The following OSBP variants were observed in gnomAD, a reference collection of about 807,000 sequenced individuals.
OSBP encodes oxysterol-binding protein 1.
A neutral mutation model predicts 96.6 loss-of-function variants in OSBP; 32 were observed. The ratio of observed to expected loss-of-function variants is 0.33; its 90% CI spans 0.25 to 0.45. The LOEUF (loss-of-function observed/expected upper bound fraction) is 0.45, where lower values mean the gene tolerates loss of function less well. Among genes scored for constraint, OSBP ranks in the 20% least tolerant of loss-of-function variants. The pLI is 1.00. For missense variants in OSBP, 653 were observed against 1,029.7 expected, an observed-to-expected ratio of 0.63 and a Z score of 5.01; for synonymous variants, 369 against 389.6, an observed-to-expected ratio of 0.95 and a Z score of 0.62.
At chr11:59,611,525 T>TA (rs1399566361) in intron 1 of OSBP, among the ~76,000 whole-genome samples, 1 of 152,118 alleles carries the variant, frequency 6.6e-6, no homozygotes, top group Admixed American at 6.6e-5. Flanking sequence ...CGCAGAAGTG[T>TA]AAAAAAAGCA....
intron 9 of OSBP, among the ~76,000 whole-genome samples, chr11:59,582,106 A>T (rs1292156866): frequency 1.3e-5 from 2 of 152,242 alleles, no homozygotes; most frequent in Non-Finnish European, 2.9e-5. Flanking sequence ...ATAATGAAGA[A>T]TAAAACCCTT....
intron 7 of OSBP, among the ~76,000 whole-genome samples, chr11:59,599,257 A>G (rs1382919868): frequency 1.3e-5 from 2 of 152,230 alleles, no homozygotes; most frequent in Non-Finnish European, 2.9e-5. Flanking sequence ...TACGTAAATG[A>G]AAGAGTATCA....
intron 9 of OSBP, among the ~76,000 whole-genome samples, chr11:59,591,777 C>T (rs1387034693): frequency 2.0e-5 from 3 of 151,970 alleles, no homozygotes; most frequent in Non-Finnish European, 4.4e-5. Context: ...CCCACCACCA[C>T]GCCTGGCTAA....
intron 1 of OSBP, among the ~76,000 whole-genome samples, chr11:59,613,204 G>A (rs1045071602): frequency 3.3e-5 from 5 of 152,166 alleles, no homozygotes; most frequent in East Asian, 1.9e-4. Context: ...TCTGGATCCC[G>A]CTGGTTTGTT....
At position 59,593,645 on chromosome 11, in the gene OSBP, G is replaced by C; in HGVS notation, c.1637C>G (p.Thr546Ser). 6.2e-7 allele frequency: 1 copy of C among 1,614,096 alleles called. No homozygotes were observed. The highest frequency in any genetic ancestry group is 8.5e-7 in the Non-Finnish European group (1 of 1,179,990). Residue 546 changes from threonine to serine, a missense_variant, in exon 9 of 14, where the codon ACC (threonine) becomes AGC (serine). By Grantham distance (58) the Thr-to-Ser change is moderately conservative. Transcript: ENST00000263847. ...GWTLRQEIKITSKFRGKYLSI... is the reference protein window; with the variant it reads ...GWTLRQEIKISSKFRGKYLSI... Reference sequence around the variant, plus strand: ...GAGGTATTTGCCTCGAAACTTGCTGGTGATTTTGATTTCCTGACGCAATGT... The same window carrying C: ...GAGGTATTTGCCTCGAAACTTGCTGCTGATTTTGATTTCCTGACGCAATGT...
chr11:59,610,558 C>T lies in OSBP; in HGVS notation c.394G>A (p.Gly132Ser). The change falls in exon 2 of 14, where the codon GGT becomes AGT. Residue 132 changes from glycine (G) to serine (S), a missense_variant. Coordinates refer to ENST00000263847, the MANE Select transcript of OSBP (RefSeq NM_002556.3). ...SKAEMRHTCR[G>S]TINLATANIT... ...TTGGCTGTGGCGAGGTTGATGGTAC[C>T]ACGGCAGGTATGTCTCATTTCTGCC... 6.2e-7 allele frequency: 1 copy of T among 1,614,096 alleles called. No individual in the cohort carries two copies. Among genetic ancestry groups the T allele is most frequent in the Non-Finnish European group, 8.5e-7 (1 of 1,179,956 alleles).
At position 59,576,552 on chromosome 11, in the gene OSBP, G is replaced by GCTC. The variant is rs752669348; in HGVS notation, c.*22_*24dup. On this transcript the variant is annotated 3_prime_UTR_variant, in exon 14 of 14. Transcript: ENST00000263847. The stretch of plus-strand genomic sequence containing the variant: ...TCCTCTGTCCTCTTCTCCATTATAT[G>GCTC]CTCCTCTTTTTTGTTACTGCCGTTT... 2 of 1,608,698 alleles carry GCTC rather than the reference G, an allele frequency of 1.2e-6. No homozygotes were observed. Among genetic ancestry groups the GCTC allele is most frequent in the Non-Finnish European group, 1.7e-6 (2 of 1,177,752 alleles).
chr11:59,581,556 T>G lies in OSBP; in HGVS notation c.1679-2A>C. 6.3e-7 allele frequency: 1 copy of G among 1,589,684 alleles called. No homozygotes were observed. Among genetic ancestry groups the G allele is most frequent in the Non-Finnish European group, 8.6e-7 (1 of 1,158,254 alleles). Reference sequence around the variant, plus strand: ...CATGGAAAATACAATGAATGGTACCTGGAAGCAGAAAGAGGTATCCAAATT... The same window carrying G: ...CATGGAAAATACAATGAATGGTACCGGGAAGCAGAAAGAGGTATCCAAATT... On this transcript the variant is annotated splice_acceptor_variant, in intron 9 of 13. Coordinates refer to ENST00000263847, the MANE Select transcript of OSBP (RefSeq NM_002556.3). LOFTEE classifies it high-confidence loss of function.
At chr11:59,596,297 A>G (rs1219094534) in intron 7 of OSBP, among the ~76,000 whole-genome samples, 1 of 152,200 alleles carries the variant, frequency 6.6e-6, no homozygotes, top group African/African-American at 2.4e-5. Context: ...GAATTTAGAC[A>G]ATACGAAGTA....
chr11:59,612,893 C>T (rs1012222403), intron 1 of OSBP, among the ~76,000 whole-genome samples: 12 of 152,022 alleles, frequency 7.9e-5, no homozygotes, highest in Admixed American at 2.0e-4. Flanking sequence ...TAACTGGGTA[C>T]GTAAGGAAGC....
At chr11:59,593,937 A>G in intron 8 of OSBP, 73 bp downstream of exon 8, 1 of 1,566,952 alleles carries the variant, frequency 6.4e-7, no homozygotes, top group Non-Finnish European at 8.7e-7. Context: ...CAAACATAAG[A>G]CCCAGGGGAT....
chr11:59,614,382 A>G (rs1461080287), intron 1 of OSBP, among the ~76,000 whole-genome samples: 1 of 152,224 alleles, frequency 6.6e-6, no homozygotes, highest in Non-Finnish European at 1.5e-5. Flanking sequence ...TAAAACACCT[A>G]GACACATTGT....
At chr11:59,609,440 C>A (rs1403220870) in intron 2 of OSBP, among the ~76,000 whole-genome samples, 1 of 150,906 alleles carries the variant, frequency 6.6e-6, no homozygotes, top group Non-Finnish European at 1.5e-5. Context: ...GCTTTTCTAG[C>A]AGTGTCACTT....
chr11:59,577,886 C>A (rs1224946599), intron 12 of OSBP, among the ~76,000 whole-genome samples: 2 of 152,202 alleles, frequency 1.3e-5, no homozygotes, highest in Admixed American at 6.5e-5. Context: ...TAGAAAAATA[C>A]CCTTCTGAAT....
intron 12 of OSBP, among the ~76,000 whole-genome samples, 189 bp from the exon 13 acceptor site, chr11:59,577,214 C>T (rs536407185): frequency 1.3e-5 from 2 of 152,294 alleles, no homozygotes; most frequent in Admixed American, 6.5e-5. Flanking sequence ...CCTCCCCATC[C>T]GCTCCCTGGC....
intron 8 of OSBP, 66 bp from the exon 9 acceptor site, chr11:59,593,790 G>A: frequency 6.3e-7 from 1 of 1,594,830 alleles, no homozygotes; most frequent in South Asian, 1.1e-5. Flanking sequence ...CCTATAAATT[G>A]GTGAGAAACA....
chr11:59,589,766 T>C (rs1334048968), intron 9 of OSBP, among the ~76,000 whole-genome samples: 4 of 151,430 alleles, frequency 2.6e-5, no homozygotes, highest in Non-Finnish European at 5.9e-5. Flanking sequence ...GGGCGGATCA[T>C]GAGGTCAGGA....
chr11:59,589,431 T>C (rs1259089314), intron 9 of OSBP, among the ~76,000 whole-genome samples: 1 of 151,442 alleles, frequency 6.6e-6, no homozygotes, highest in Non-Finnish European at 1.5e-5. Flanking sequence ...TGGAACCCAG[T>C]CTCTACTAAA....
intron 9 of OSBP, among the ~76,000 whole-genome samples, chr11:59,582,538 C>G (rs1402055132): frequency 6.6e-6 from 1 of 152,146 alleles, no homozygotes; most frequent in Non-Finnish European, 1.5e-5. Flanking sequence ...TGATTTGTAC[C>G]CTGAATAATA....
Sources: gnomAD v4.1 joint callset for allele counts (sites outside exome capture counted in the v4.1 genomes callset) on GRCh38, gnomAD v4.1.1 for gene constraint, MANE v1.5 for transcripts, NCBI Gene and HGNC (gene_info 2026-07-23, HGNC 2026-07-21) for gene names.